The following ZNF385D variants were observed in gnomAD, a reference collection of about 807,000 sequenced individuals.
The protein encoded by ZNF385D is zinc finger protein 385D.
In ZNF385D, 15 loss-of-function variants were observed where a neutral mutation model predicts 35.8. That is an observed-to-expected ratio of 0.42 (90% CI 0.28 to 0.64). The LOEUF is 0.64. Ranked by LOEUF, ZNF385D falls within the 30% of genes least tolerant of loss-of-function variation. The pLI, the probability that ZNF385D is intolerant of heterozygous loss-of-function variation, is 0.23. For missense variants in ZNF385D, 474 were observed against 494.6 expected (o/e 0.96, Z 0.39); for synonymous variants, 212 against 186.8 (o/e 1.13, Z -1.10).
intron 3 of ZNF385D, among the ~76,000 whole-genome samples, chr3:22,125,809 T>C (rs1345434016): frequency 1.3e-5 from 2 of 152,108 alleles, no homozygotes. Flanking sequence ...TCTCATCATT[T>C]TTTGGTGAAG....
chr3:21,632,590 G>C (rs1278357962), intron 2 of ZNF385D, among the ~76,000 whole-genome samples: 1 of 152,142 alleles, frequency 6.6e-6, no homozygotes, highest in East Asian at 1.9e-4. Flanking sequence ...ATAGTGTTTT[G>C]CTCTGGGAGA....
At chr3:21,571,629 C>G (rs1243951310) in intron 2 of ZNF385D, among the ~76,000 whole-genome samples, 1 of 152,114 alleles carries the variant, frequency 6.6e-6, no homozygotes, top group Non-Finnish European at 1.5e-5. Flanking sequence ...CCCAACAAGA[C>G]TCTACTTCAA....
intron 3 of ZNF385D, among the ~76,000 whole-genome samples, chr3:21,891,636 G>C (rs1395934533): frequency 6.6e-6 from 1 of 152,186 alleles, no homozygotes; most frequent in Non-Finnish European, 1.5e-5. Context: ...TGAATGCTTT[G>C]ATGTCACAGC....
intron 3 of ZNF385D, among the ~76,000 whole-genome samples, chr3:21,911,586 C>T (rs928716677): frequency 2.0e-5 from 3 of 151,910 alleles, no homozygotes; most frequent in Non-Finnish European, 2.9e-5. Flanking sequence ...TCATATATCA[C>T]TTGACTGAAT....
upstream of ZNF385D, chr3:21,751,490 C>A: frequency 1.0e-6 from 1 of 976,484 alleles, no homozygotes; most frequent in Non-Finnish European, 1.2e-6. Flanking sequence ...TTAGACAACA[C>A]TTTTACCCCG....
chr3:21,910,834 C>CTAA (rs1699926114), intron 3 of ZNF385D, among the ~76,000 whole-genome samples: 1 of 151,442 alleles, frequency 6.6e-6, no homozygotes, highest in Non-Finnish European at 1.5e-5. Flanking sequence ...AAATGTGACT[C>CTAA]ATAATTTCAA....
At chr3:22,062,253 GC>G (rs755037482) in intron 3 of ZNF385D, among the ~76,000 whole-genome samples, 4 of 151,908 alleles carry the variant, frequency 2.6e-5, no homozygotes, top group Non-Finnish European at 5.9e-5. Flanking sequence ...ACAGGATTTT[GC>G]CATGTTACCC....
intron 2 of ZNF385D, among the ~76,000 whole-genome samples, chr3:22,190,830 G>A (rs1221627099): frequency 1.3e-5 from 2 of 151,626 alleles, no homozygotes; most frequent in Non-Finnish European, 2.9e-5. Flanking sequence ...TTATAATTTG[G>A]GGTGTAATTT....
chr3:21,751,275 G>A (rs1359511220), upstream of ZNF385D: 9 of 994,186 alleles, frequency 9.1e-6, no homozygotes, highest in Non-Finnish European at 1.1e-5. Context: ...GCCGCTCCAC[G>A]AGGTGCTCCG....
chr3:22,128,094 T>A lies in ZNF385D; in HGVS notation c.325+40723A>T, dbSNP rs149879793. ...AGTGTTGATAAAATCTCTCAGCTTT[T>A]GTTTGTCTGGGAAGCTCTTTGTATC... On this transcript the variant is annotated intron_variant, in intron 3 of 5. Transcript: ENST00000494108. Among the ~76,000 whole-genome samples the A allele has an allele frequency of 2.3e-3, 350 of 152,330 alleles. 1 individual carries two copies. The highest frequency in any genetic ancestry group is 8.1e-3 in the African/African-American group (338 of 41,582).
At chr3:22,066,519 G>A (rs1185333689) in intron 3 of ZNF385D, among the ~76,000 whole-genome samples, 3 of 125,660 alleles carry the variant, frequency 2.4e-5, no homozygotes, top group African/African-American at 9.3e-5. Context: ...AAGATACTGG[G>A]TGAGATGGTT....
chr3:22,215,964 C>T (rs919136073), intron 2 of ZNF385D, among the ~76,000 whole-genome samples: 13 of 152,094 alleles, frequency 8.5e-5, no homozygotes, highest in South Asian at 4.1e-4. Context: ...GGGTGAATTT[C>T]GTCCAACATC....
At chr3:22,193,833 AG>A (rs1696224083) in intron 2 of ZNF385D, among the ~76,000 whole-genome samples, 1 of 152,026 alleles carries the variant, frequency 6.6e-6, no homozygotes, top group African/African-American at 2.4e-5. Context: ...TAGCAACTTA[AG>A]TTTTTCATCT....
chr3:21,750,006 T>C (rs1378916522), intron 1 of ZNF385D, among the ~76,000 whole-genome samples: 1 of 152,230 alleles, frequency 6.6e-6, no homozygotes, highest in Admixed American at 6.5e-5. Context: ...CCTTTTAATA[T>C]CGCATAGATG....
chr3:22,343,079 A>G (rs942690223), intron 2 of ZNF385D, among the ~76,000 whole-genome samples: 7 of 152,236 alleles, frequency 4.6e-5, no homozygotes, highest in Admixed American at 2.0e-4. Flanking sequence ...TTAACGATAC[A>G]TATTTGGAGA....
At chr3:22,256,937 AT>A (rs1451415218) in intron 2 of ZNF385D, among the ~76,000 whole-genome samples, 1 of 151,796 alleles carries the variant, frequency 6.6e-6, no homozygotes, top group Admixed American at 6.6e-5. Context: ...AAGATAGAAA[AT>A]TTTTTTCAGG....
intron 3 of ZNF385D, among the ~76,000 whole-genome samples, chr3:22,151,416 G>A (rs1705224783): frequency 1.3e-5 from 2 of 152,144 alleles, no homozygotes; most frequent in South Asian, 2.1e-4. Flanking sequence ...TGTGGGTTGA[G>A]GAGGTGAATA....
intron 2 of ZNF385D, among the ~76,000 whole-genome samples, chr3:21,600,097 A>G (rs9873000): frequency 0.39 from 59,653 of 152,036 alleles, 11,818 homozygotes; most frequent in Middle Eastern, 0.45. Flanking sequence ...TGCCATGACA[A>G]TGTCAGGAAT....
At chr3:21,510,727 A>G (rs923556986) in intron 4 of ZNF385D, 134 bp downstream of exon 4, 1 of 1,140,126 alleles carries the variant, frequency 8.8e-7, no homozygotes, top group Non-Finnish European at 1.2e-6. Context: ...GGAAACAATT[A>G]CCATTATACA....
Sources: gnomAD v4.1 joint callset for allele counts (sites outside exome capture counted in the v4.1 genomes callset) on GRCh38, gnomAD v4.1.1 for gene constraint, MANE v1.5 for transcripts, NCBI Gene and HGNC (gene_info 2026-07-23, HGNC 2026-07-21) for gene names.